The following SEPTIN10 variants were observed in gnomAD, a reference collection of about 807,000 sequenced individuals.
SEPTIN10 encodes the protein septin 10.
Under a neutral mutation model 54.8 loss-of-function variants are expected in SEPTIN10, and 66 were observed. The observed-to-expected ratio is 1.21, with a 90% CI of 0.99 to 1.48. SEPTIN10 has a LOEUF of 1.48. SEPTIN10 is among the 40% of genes most tolerant of loss of function. The pLI is 0.00. For missense variants in SEPTIN10, 620 were observed against 545.6 expected (o/e 1.14, Z -1.36); for synonymous variants, 161 against 181.0 (o/e 0.89, Z 0.89).
intron 8 of SEPTIN10, among the ~76,000 whole-genome samples, chr2:109,557,831 T>C (rs1684731659): frequency 6.6e-6 from 1 of 151,804 alleles, no homozygotes; most frequent in Non-Finnish European, 1.5e-5. Flanking sequence ...AGCATAAAAG[T>C]AGCTTGCTGT....
chr2:109,610,763 A>C (rs1372604724), intron 1 of SEPTIN10, among the ~76,000 whole-genome samples: 1 of 152,198 alleles, frequency 6.6e-6, no homozygotes, highest in Non-Finnish European at 1.5e-5. Flanking sequence ...CATGAGTTAG[A>C]AGACTCAACA....
chr2:109,545,439 T>A, intron 10 of SEPTIN10: 1 of 1,536,122 alleles, frequency 6.5e-7, no homozygotes, highest in Non-Finnish European at 8.7e-7. Context: ...GGCTGCCCCC[T>A]TGCACTGTGG....
intron 4 of SEPTIN10, among the ~76,000 whole-genome samples, chr2:109,583,408 T>G (rs959990639): frequency 6.6e-6 from 1 of 152,136 alleles, no homozygotes; most frequent in African/African-American, 2.4e-5. Context: ...AACTCATCAT[T>G]AGAGAAATGC....
intron 10 of SEPTIN10, chr2:109,545,567 A>G: frequency 6.5e-7 from 1 of 1,535,604 alleles, no homozygotes; most frequent in Non-Finnish European, 8.7e-7. Context: ...AATTCTCACA[A>G]AATCAGTATC....
intron 1 of SEPTIN10, among the ~76,000 whole-genome samples, chr2:109,603,600 G>A (rs1323901803): frequency 1.3e-5 from 2 of 152,080 alleles, no homozygotes; most frequent in Admixed American, 1.3e-4. Context: ...CAGGTATTGT[G>A]GATCGAAGCT....
intron 1 of SEPTIN10, chr2:109,604,809 C>T (rs974010276): frequency 6.6e-6 from 1 of 152,172 alleles, no homozygotes; most frequent in Admixed American, 6.6e-5. Context: ...ACAGTGAGCT[C>T]ATCACTGAAG....
intron 4 of SEPTIN10, among the ~76,000 whole-genome samples, chr2:109,575,519 G>A (rs1325440880): frequency 6.6e-6 from 1 of 152,206 alleles, no homozygotes; most frequent in Non-Finnish European, 1.5e-5. Context: ...GCTATCTCAG[G>A]TTATTCAGCC....
At chr2:109,588,567 C>A (rs1693143663) in intron 2 of SEPTIN10, among the ~76,000 whole-genome samples, 1 of 152,006 alleles carries the variant, frequency 6.6e-6, no homozygotes, top group African/African-American at 2.4e-5. Context: ...GATCTTGGCT[C>A]ACTGCAACCT....
At chr2:109,545,098 T>C (rs1000863463) in intron 10 of SEPTIN10, 9 of 985,304 alleles carry the variant, frequency 9.1e-6, no homozygotes, top group South Asian at 9.4e-5. Flanking sequence ...GGGTCTGAAA[T>C]AGATGCAGTG....
At chr2:109,576,802 A>C (rs894713057) in intron 4 of SEPTIN10, among the ~76,000 whole-genome samples, 3 of 152,218 alleles carry the variant, frequency 2.0e-5, no homozygotes, top group African/African-American at 4.8e-5. Flanking sequence ...AAGATAAAAA[A>C]TATGAATCAG....
rs1340143754 is a variant in SEPTIN10, at chr2:109,577,599, A to T, written c.414-2832T>A. Among the ~76,000 whole-genome samples the T allele has an allele frequency of 5.3e-5, 5 of 94,848 alleles. No homozygotes were observed. The East Asian group carries it at 6.3e-4, about 12-fold the overall frequency. The allele number at this position is 94,848 out of a possible 152,430, so 62.2% of individuals were successfully genotyped here. A position where few individuals can be genotyped will look rare whatever the true frequency, so the allele number is the denominator to read the frequency against. Reference sequence around the variant, plus strand: ...AGAGTGAGACTCCACCTCAAAATTTAAAAAAAAAAAAAAGAAAAAGAAAGA... The same window carrying T: ...AGAGTGAGACTCCACCTCAAAATTTTAAAAAAAAAAAAAGAAAAAGAAAGA... On this transcript the variant is annotated intron_variant, in intron 4 of 10. Transcript: ENST00000397712.
intron 5 of SEPTIN10, among the ~76,000 whole-genome samples, chr2:109,574,017 G>C (rs1689004677): frequency 6.6e-6 from 1 of 152,136 alleles, no homozygotes; most frequent in African/African-American, 2.4e-5. Context: ...GAATACCCAT[G>C]TTCTGGCATG....
intron 8 of SEPTIN10, among the ~76,000 whole-genome samples, chr2:109,558,187 T>A (rs1684822010): frequency 1.3e-5 from 2 of 152,210 alleles, no homozygotes; most frequent in South Asian, 4.1e-4. Context: ...AAATCTCAGA[T>A]GCTCATGTCA....
rs138146741 is a variant in SEPTIN10, at chr2:109,565,060, T to C, written c.860-526A>G. Among the ~76,000 whole-genome samples, 584 of 152,302 alleles carry C rather than the reference T, an allele frequency of 3.8e-3. 2 individuals are homozygous for C. Among genetic ancestry groups the C allele is most frequent in the African/African-American group, 0.013 (553 of 41,570 alleles). On this transcript the variant is annotated intron_variant, in intron 7 of 10. Transcript: ENST00000397712. ...ATTAGTGAACACACTTACATGATCC[T>C]TCTTCTATGTTTACGGTGACCAGAG...
rs1459646589 is a variant in SEPTIN10 at position 109,544,246 on chromosome 2, T to A, written c.*63A>T. ...AATAACAGCAAAATCAAAGCACACT[T>A]CTAGTTTTTTTTTAATAAAGTTTGC... is the stretch of plus-strand genomic sequence containing the variant. On this transcript the variant is annotated 3_prime_UTR_variant, in exon 11 of 11. Coordinates refer to ENST00000397712, the MANE Select transcript of SEPTIN10 (RefSeq NM_144710.5). 3.7e-6 allele frequency: 6 copies of A among 1,612,620 alleles called. No homozygotes were observed. The highest frequency in any genetic ancestry group is 5.1e-6 in the Non-Finnish European group (6 of 1,179,610).
At chr2:109,557,382 C>T (rs1225706298) in intron 8 of SEPTIN10, among the ~76,000 whole-genome samples, 2 of 152,050 alleles carry the variant, frequency 1.3e-5, no homozygotes, top group African/African-American at 4.8e-5. Flanking sequence ...TATTTAATTC[C>T]CACAGCAACC....
chr2:109,557,834 C>A (rs1246590966), intron 8 of SEPTIN10, among the ~76,000 whole-genome samples: 1 of 150,852 alleles, frequency 6.6e-6, no homozygotes, highest in African/African-American at 2.4e-5. Flanking sequence ...ATAAAAGTAG[C>A]TTGCTGTCAT....
At chr2:109,612,615 G>C (rs1407078739) in intron 1 of SEPTIN10, among the ~76,000 whole-genome samples, 1 of 152,138 alleles carries the variant, frequency 6.6e-6, no homozygotes, top group Non-Finnish European at 1.5e-5. Context: ...TCAGCTAAAT[G>C]AAGTGTTCTC....
intron 1 of SEPTIN10, among the ~76,000 whole-genome samples, chr2:109,604,449 G>A (rs112932744): frequency 0.01 from 1,548 of 148,440 alleles, 33 homozygotes; most frequent in African/African-American, 0.037. Context: ...AAAAGAGGCC[G>A]GGCGTGGTGG....
Sources: gnomAD v4.1 joint callset for allele counts (sites outside exome capture counted in the v4.1 genomes callset) on GRCh38, gnomAD v4.1.1 for gene constraint, MANE v1.5 for transcripts, NCBI Gene and HGNC (gene_info 2026-07-23, HGNC 2026-07-21) for gene names.